The following CDK14 variants were observed in gnomAD, a reference collection of about 807,000 sequenced individuals.
The protein encoded by CDK14 is cyclin-dependent kinase 14.
A neutral mutation model predicts 60.7 loss-of-function variants in CDK14; 34 were observed. The observed-to-expected ratio is 0.56, with a 90% CI of 0.43 to 0.75. CDK14 has a LOEUF of 0.75. Among genes scored for constraint, CDK14 ranks in the 30% least tolerant of loss-of-function variants. The probability of loss-of-function intolerance (pLI) is 0.00; values close to 1 mark genes in which losing one functional copy is unlikely to be tolerated. For synonymous variants in CDK14, 197 were observed against 203.7 expected, an observed-to-expected ratio of 0.97 and a Z score of 0.28; for missense variants, 482 against 564.1, an observed-to-expected ratio of 0.85 and a Z score of 1.47.
chr7:90,845,497 CTT>C (rs578062652), intron 5 of CDK14, among the ~76,000 whole-genome samples: 9 of 138,328 alleles, frequency 6.5e-5, no homozygotes, highest in Admixed American at 7.2e-5. Context: ...TTTTGGTTTT[CTT>C]TTTTTTTTTT....
At chr7:91,040,399 C>T (rs927959146) in intron 10 of CDK14, among the ~76,000 whole-genome samples, 1 of 152,156 alleles carries the variant, frequency 6.6e-6, no homozygotes, top group African/African-American at 2.4e-5. Flanking sequence ...TCTTTTAGGA[C>T]TTCTCACTAA....
chr7:91,071,802 C>T (rs936511869), intron 11 of CDK14, among the ~76,000 whole-genome samples: 13 of 152,250 alleles, frequency 8.5e-5, no homozygotes, highest in Non-Finnish European at 1.5e-4. Flanking sequence ...ATCTCTATAG[C>T]TCTAGGCCAT....
intron 3 of CDK14, among the ~76,000 whole-genome samples, chr7:90,733,179 A>C (rs1802943910): frequency 6.6e-6 from 1 of 151,866 alleles, no homozygotes; most frequent in Non-Finnish European, 1.5e-5. Flanking sequence ...CTGAGTTCTA[A>C]TTTGATTGCA....
intron 8 of CDK14, among the ~76,000 whole-genome samples, chr7:90,946,591 G>T (rs1489730047): frequency 6.6e-6 from 1 of 151,978 alleles, no homozygotes; most frequent in Non-Finnish European, 1.5e-5. Context: ...ATTCATAAGG[G>T]CATTTATTAT....
chr7:90,855,171 T>G (rs1255263876), intron 5 of CDK14, among the ~76,000 whole-genome samples: 2 of 152,212 alleles, frequency 1.3e-5, no homozygotes, highest in African/African-American at 2.4e-5. Flanking sequence ...AGAAACAGAT[T>G]TAACATGTTA....
At chr7:90,637,994 TTCA>T (rs1413180873) in intron 2 of CDK14, among the ~76,000 whole-genome samples, 2 of 133,766 alleles carry the variant, frequency 1.5e-5, no homozygotes, top group African/African-American at 5.8e-5. Context: ...TTGGTAGATC[TTCA>T]TCCTTTTATT....
chr7:91,172,781 C>G (rs975226576), intron 14 of CDK14, among the ~76,000 whole-genome samples: 1 of 152,194 alleles, frequency 6.6e-6, no homozygotes, highest in Non-Finnish European at 1.5e-5. Context: ...CTCTAAGAAG[C>G]CTTTTTTTCA....
intron 12 of CDK14, among the ~76,000 whole-genome samples, chr7:91,087,125 AT>A (rs562588775): frequency 1.8e-3 from 280 of 152,232 alleles, no homozygotes; most frequent in African/African-American, 6.0e-3. Context: ...CATCCCTAGT[AT>A]CCACTGTTAC....
At chr7:91,092,385 G>A (rs919996889) in intron 12 of CDK14, among the ~76,000 whole-genome samples, 1 of 152,126 alleles carries the variant, frequency 6.6e-6, no homozygotes, top group Non-Finnish European at 1.5e-5. Flanking sequence ...AGAATAATTT[G>A]ACCAGCCTCT....
chr7:90,709,940 G>T, intron 2 of CDK14: 1 of 1,127,086 alleles, frequency 8.9e-7, no homozygotes, highest in Non-Finnish European at 1.1e-6. Context: ...CAAGCCTGAG[G>T]GAGACAACAG....
chr7:90,656,740 CA>C (rs1563033239), intron 2 of CDK14, among the ~76,000 whole-genome samples: 1 of 152,166 alleles, frequency 6.6e-6, no homozygotes, highest in Non-Finnish European at 1.5e-5. Context: ...TTAATGGAAG[CA>C]TTCCAGTCTG....
At chr7:90,758,248 GTCTT>G (rs1380156617) in intron 4 of CDK14, among the ~76,000 whole-genome samples, 1 of 151,796 alleles carries the variant, frequency 6.6e-6, no homozygotes, top group African/African-American at 2.4e-5. Flanking sequence ...CTCTCTCTCT[GTCTT>G]TGTCTTTCAC....
intron 2 of CDK14, among the ~76,000 whole-genome samples, chr7:90,667,132 C>G (rs1164704773): frequency 6.6e-6 from 1 of 152,102 alleles, no homozygotes; most frequent in Non-Finnish European, 1.5e-5. Flanking sequence ...TGTTTTAAAG[C>G]ATAGCCAAGA....
chr7:90,761,618 T>C (rs959177813), intron 4 of CDK14, among the ~76,000 whole-genome samples: 3 of 152,318 alleles, frequency 2.0e-5, no homozygotes, highest in African/African-American at 7.2e-5. Flanking sequence ...TGTTGGTGTC[T>C]GGAGACATTT....
chr7:90,994,552 A>G (rs996360260), intron 10 of CDK14, among the ~76,000 whole-genome samples: 1 of 152,210 alleles, frequency 6.6e-6, no homozygotes, highest in South Asian at 2.1e-4. Context: ...GTAAATTTTC[A>G]TTAGAGCATA....
At chr7:91,060,798 G>A (rs933006519) in intron 11 of CDK14, among the ~76,000 whole-genome samples, 9 of 152,102 alleles carry the variant, frequency 5.9e-5, no homozygotes, top group Admixed American at 1.3e-4. Flanking sequence ...TCCCTTTGTG[G>A]GTAACCCGAC....
chr7:91,128,254 A>G lies in CDK14; in HGVS notation c.*28+10046A>G, dbSNP rs1800011258. ...CAGACTGCTGTGTAATGTGAATAGG[A>G]ATCTTAAAACCTCCTAGTCCAAAAC... On this transcript the variant is annotated intron_variant, in intron 14 of 14. Coordinates refer to ENST00000380050, the MANE Select transcript of CDK14 (RefSeq NM_001287135.2). Among the ~76,000 whole-genome samples the G allele has an allele frequency of 3.9e-5, 6 of 152,210 alleles. No homozygotes were observed. The South Asian group carries it at 1.0e-3, about 26-fold the overall frequency.
At chr7:90,791,325 A>C (rs566727788) in intron 5 of CDK14, among the ~76,000 whole-genome samples, 26 of 152,168 alleles carry the variant, frequency 1.7e-4, no homozygotes, top group African/African-American at 6.3e-4. Context: ...AATCAGTGGG[A>C]ACTTTTCAGT....
chr7:91,127,222 A>C (rs1339867700), intron 14 of CDK14, among the ~76,000 whole-genome samples: 1 of 152,190 alleles, frequency 6.6e-6, no homozygotes, highest in Non-Finnish European at 1.5e-5. Flanking sequence ...AGTGTGGACT[A>C]TGAATGAAGC....
Sources: allele counts gnomAD v4.1 joint callset (sites outside exome capture counted in the v4.1 genomes callset), GRCh38; gene constraint gnomAD v4.1.1; transcripts MANE v1.5; gene names NCBI Gene and HGNC (gene_info 2026-07-23, HGNC 2026-07-21).